The following LRRC18 variants were observed in gnomAD, a reference collection of about 807,000 sequenced individuals.
The protein encoded by LRRC18 is leucine rich repeat containing 18.
A neutral mutation model predicts 11.2 loss-of-function variants in LRRC18; 12 were observed. The observed-to-expected ratio is 1.07, with a 90% CI of 0.69 to 1.74. The LOEUF is 1.74. Among genes scored for constraint, LRRC18 ranks in the 40% most tolerant of loss-of-function variants. LRRC18 has a pLI of 0.00. For missense variants in LRRC18, 374 were observed against 330.5 expected, an observed-to-expected ratio of 1.13 and a Z score of -1.02; for synonymous variants, 155 against 130.6, an observed-to-expected ratio of 1.19 and a Z score of -1.27.
the LRRC18 span, among the ~76,000 whole-genome samples, chr10:48,938,763 G>A: frequency 6.6e-6 from 1 of 152,184 alleles, no homozygotes; most frequent in Admixed American, 6.5e-5. Flanking sequence ...CAGGATGGGT[G>A]TAAATGACCC....
the LRRC18 span, among the ~76,000 whole-genome samples, chr10:48,926,704 A>G: frequency 6.6e-6 from 1 of 152,256 alleles, no homozygotes; most frequent in East Asian, 1.9e-4. Context: ...ATATACAAAT[A>G]GTATGAATGT....
exon 1 of LRRC18, chr10:48,914,097 T>C: frequency 6.2e-7 from 1 of 1,614,228 alleles, no homozygotes; most frequent in Non-Finnish European, 8.5e-7. Flanking sequence ...TTTGATGCAA[T>C]TCCTGGCCAC....
chr10:48,921,057 C>T, the LRRC18 span, among the ~76,000 whole-genome samples: 1 of 152,102 alleles, frequency 6.6e-6, no homozygotes, highest in African/African-American at 2.4e-5. Flanking sequence ...GACTTAATGT[C>T]AACTCTCCCC....
the LRRC18 span, among the ~76,000 whole-genome samples, chr10:48,933,780 C>T: frequency 6.6e-6 from 1 of 152,210 alleles, no homozygotes; most frequent in Non-Finnish European, 1.5e-5. Flanking sequence ...GGGCGTGGTT[C>T]AATTGCACAC....
At chr10:48,928,096 T>C in the LRRC18 span, among the ~76,000 whole-genome samples, 1 of 152,132 alleles carries the variant, frequency 6.6e-6, no homozygotes, top group African/African-American at 2.4e-5. Context: ...ACAGGTGTTA[T>C]TTTGTCTTCT....
exon 1 of LRRC18, chr10:48,914,056 A>G: frequency 4.3e-6 from 7 of 1,614,208 alleles, no homozygotes; most frequent in Non-Finnish European, 5.9e-6. Context: ...ATCTTGCTCA[A>G]GTCAAGGCGC....
the LRRC18 span, among the ~76,000 whole-genome samples, chr10:48,920,094 TG>T: frequency 6.6e-6 from 1 of 151,544 alleles, no homozygotes; most frequent in African/African-American, 2.4e-5. Flanking sequence ...AATCAGTTAA[TG>T]TAACATACCA....
At chr10:48,914,240 A>T, upstream of LRRC18, 1 of 1,427,352 alleles carries the variant, frequency 7.0e-7, no homozygotes, top group Non-Finnish European at 9.4e-7. Context: ...AAACTGCTGA[A>T]AGATAAGAAA....
At chr10:48,936,712 C>T in the LRRC18 span, among the ~76,000 whole-genome samples, 1 of 151,400 alleles carries the variant, frequency 6.6e-6, no homozygotes, top group Non-Finnish European at 1.5e-5. Context: ...GTGGCAAGCA[C>T]CTGTAGTGCC....
chr10:48,914,380 T>C (rs1043294258), upstream of LRRC18: 11 of 566,800 alleles, frequency 1.9e-5, no homozygotes, highest in Non-Finnish European at 2.8e-5. Context: ...AGCCCAGCCA[T>C]AGATTGTCAG....
chr10:48,913,817 C>T, exon 1 of LRRC18: 1 of 1,614,098 alleles, frequency 6.2e-7, no homozygotes, highest in Non-Finnish European at 8.5e-7. Context: ...GCTCCACGGG[C>T]AGCCCGTTGC....
chr10:48,939,423 G>T, the LRRC18 span, among the ~76,000 whole-genome samples: 1 of 152,182 alleles, frequency 6.6e-6, no homozygotes, highest in Non-Finnish European at 1.5e-5. Flanking sequence ...TTGCTGTCTT[G>T]CTCGGGGCCC....
the LRRC18 span, among the ~76,000 whole-genome samples, chr10:48,939,722 A>G: frequency 6.6e-6 from 1 of 152,236 alleles, no homozygotes; most frequent in Non-Finnish European, 1.5e-5. Flanking sequence ...TTTTAAAACA[A>G]TATTTTTAAA....
the LRRC18 span, among the ~76,000 whole-genome samples, chr10:48,934,416 C>A: frequency 6.6e-6 from 1 of 152,300 alleles, no homozygotes; most frequent in South Asian, 2.1e-4. Flanking sequence ...GGGGATACAG[C>A]AATTGAGGCT....
At chr10:48,920,198 C>T in the LRRC18 span, among the ~76,000 whole-genome samples, 1 of 152,090 alleles carries the variant, frequency 6.6e-6, no homozygotes, top group Non-Finnish European at 1.5e-5. Flanking sequence ...TAAAAACTCT[C>T]AGCAAACTGG....
chr10:48,936,861 A>AG, the LRRC18 span, among the ~76,000 whole-genome samples: 1 of 151,580 alleles, frequency 6.6e-6, no homozygotes, highest in African/African-American at 2.4e-5. Flanking sequence ...AGAAAAAAAA[A>AG]GAAAATTAAA....
intron 1 of LRRC18, 148 bp downstream of exon 3, chr10:48,913,244 C>A: frequency 2.7e-6 from 2 of 752,294 alleles, no homozygotes; most frequent in Non-Finnish European, 4.4e-6. Context: ...AATCACACGC[C>A]GAGAAAGTAA....
chr10:48,915,985 AAAAC>A (rs1838494068), upstream of LRRC18, among the ~76,000 whole-genome samples: 1 of 152,240 alleles, frequency 6.6e-6, no homozygotes, highest in South Asian at 2.1e-4. Flanking sequence ...AACAGCTTAA[AAAAC>A]AAAGTGGAGT....
chr10:48,934,307 C>G, the LRRC18 span, among the ~76,000 whole-genome samples: 22 of 152,224 alleles, frequency 1.4e-4, no homozygotes, highest in Non-Finnish European at 2.5e-4. Flanking sequence ...GTTCCTCCCT[C>G]TGTATGGATT....
Sources: allele counts gnomAD v4.1 joint callset (sites outside exome capture counted in the v4.1 genomes callset), GRCh38; gene constraint gnomAD v4.1.1; transcripts MANE v1.5; gene names NCBI Gene and HGNC (gene_info 2026-07-23, HGNC 2026-07-21).